Variants in LDLRAD3 observed in about 807,000 individuals in gnomAD.
LDLRAD3 encodes the protein low-density lipoprotein receptor class A domain-containing protein 3.
A neutral mutation model predicts 29.4 loss-of-function variants in LDLRAD3; 20 were observed. That is an observed-to-expected ratio of 0.68 (90% CI 0.48 to 0.99). The LOEUF is 0.99. Ranked by LOEUF, LDLRAD3 falls within the 50% of genes least tolerant of loss-of-function variation. The probability of loss-of-function intolerance (pLI) is 0.00; values close to 1 mark genes in which losing one functional copy is unlikely to be tolerated. For synonymous variants in LDLRAD3, 157 were observed against 192.7 expected (o/e 0.81, Z 1.53); for missense variants, 420 against 454.3 (o/e 0.92, Z 0.69).
intron 4 of LDLRAD3, among the ~76,000 whole-genome samples, chr11:36,187,113 T>G (rs1406570246): frequency 6.6e-6 from 1 of 152,204 alleles, no homozygotes; most frequent in African/African-American, 2.4e-5. Context: ...CCATCTTTCC[T>G]TGGCTTCCTA....
intron 4 of LDLRAD3, among the ~76,000 whole-genome samples, chr11:36,100,134 G>A (rs1399813842): frequency 3.9e-5 from 6 of 152,042 alleles, no homozygotes; most frequent in Non-Finnish European, 7.3e-5. Context: ...GCGGGAGTGG[G>A]CCCAGCCATC....
intron 2 of LDLRAD3, among the ~76,000 whole-genome samples, chr11:36,051,847 T>C (rs1169039581): frequency 6.6e-6 from 1 of 152,250 alleles, no homozygotes; most frequent in Non-Finnish European, 1.5e-5. Context: ...CTAAGCTCTT[T>C]GCCACCTTGG....
chr11:36,033,482 C>T (rs1170393630), intron 1 of LDLRAD3, among the ~76,000 whole-genome samples: 1 of 152,186 alleles, frequency 6.6e-6, no homozygotes, highest in Non-Finnish European at 1.5e-5. Flanking sequence ...TTTTCCCGCT[C>T]CAAAAATCTG....
In LDLRAD3 at chr11:36,229,639, A is replaced by T; in HGVS notation, c.*242A>T. On this transcript the variant is annotated 3_prime_UTR_variant, in exon 6 of 6. Coordinates refer to ENST00000315571, the MANE Select transcript of LDLRAD3 (RefSeq NM_174902.4). The stretch of plus-strand genomic sequence containing the variant: ...GGTCACTCTTCCCTTGGGACCCGAG[A>T]TCACACCCTCATTTTTCACATTATT... 4.2e-6 allele frequency: 2 copies of T among 480,216 alleles called. No homozygotes were observed. The highest frequency in any genetic ancestry group is 1.9e-5 in the African/African-American group (1 of 51,770). 29.7% of individuals were successfully genotyped at this position (480,216 alleles called of 1,614,324 possible). A position where few individuals can be genotyped will look rare whatever the true frequency, so the allele number is the denominator to read the frequency against.
intron 1 of LDLRAD3, among the ~76,000 whole-genome samples, chr11:35,992,795 C>A (rs1851706472): frequency 6.6e-6 from 1 of 152,102 alleles, no homozygotes; most frequent in Non-Finnish European, 1.5e-5. Flanking sequence ...TTGCACAACT[C>A]TGCATATACC....
In LDLRAD3 at chr11:35,954,268, C is replaced by T. The variant is rs140935833; in HGVS notation, c.46+10124C>T. On this transcript the variant is annotated intron_variant, in intron 1 of 5. Coordinates refer to ENST00000315571, the MANE Select transcript of LDLRAD3 (RefSeq NM_174902.4). ...AAAATATGAATGTATATATATTCAG[C>T]GGAAGGAACACTGCCCAGAATTGAA... Among the ~76,000 whole-genome samples, 643 of 152,184 alleles carry T rather than the reference C, an allele frequency of 4.2e-3. 3 individuals carry two copies. The highest frequency in any genetic ancestry group is 6.8e-3 in the Middle Eastern group (2 of 294).
At chr11:36,037,217 C>T (rs754990) in intron 2 of LDLRAD3, among the ~76,000 whole-genome samples, 3,265 of 152,282 alleles carry the variant, frequency 0.021, 81 homozygotes, top group East Asian at 0.097. Flanking sequence ...CACCAGGCCA[C>T]GTGGCCTGTC....
chr11:36,070,839 T>C (rs142480640), intron 2 of LDLRAD3, among the ~76,000 whole-genome samples: 1 of 152,236 alleles, frequency 6.6e-6, no homozygotes, highest in African/African-American at 2.4e-5. Flanking sequence ...TACTGGCAAG[T>C]AGGACAGTCC....
chr11:36,031,069 G>A (rs1852229496), intron 1 of LDLRAD3, among the ~76,000 whole-genome samples: 1 of 151,152 alleles, frequency 6.6e-6, no homozygotes, highest in Admixed American at 6.6e-5. Flanking sequence ...CAATAGAATG[G>A]GACTTGTAAT....
chr11:36,215,978 C>T (rs1350703145), intron 4 of LDLRAD3, among the ~76,000 whole-genome samples: 2 of 152,188 alleles, frequency 1.3e-5, no homozygotes, highest in Non-Finnish European at 2.9e-5. Flanking sequence ...AGCATCAGCT[C>T]CTGCATGCTC....
At chr11:36,070,265 A>C (rs773623590) in intron 2 of LDLRAD3, among the ~76,000 whole-genome samples, 14 of 152,234 alleles carry the variant, frequency 9.2e-5, no homozygotes, top group Middle Eastern at 3.2e-3. Context: ...GGTAAATGTA[A>C]ATCCTTACAA....
At chr11:36,223,227 C>G (rs955723765) in intron 4 of LDLRAD3, among the ~76,000 whole-genome samples, 2 of 152,148 alleles carry the variant, frequency 1.3e-5, no homozygotes, top group Non-Finnish European at 2.9e-5. Flanking sequence ...GTCTCGCCTG[C>G]CAAAGTGAAG....
chr11:36,006,959 T>G (rs1404904228), intron 1 of LDLRAD3, among the ~76,000 whole-genome samples: 2 of 152,150 alleles, frequency 1.3e-5, no homozygotes, highest in Admixed American at 1.3e-4. Context: ...CTGCTCAAGG[T>G]TCAGCCCTAC....
At chr11:35,968,498 C>T (rs777740298) in intron 1 of LDLRAD3, 1 of 358,344 alleles carries the variant, frequency 2.8e-6, no homozygotes, top group Admixed American at 3.0e-5. Context: ...TTCTTTTTCC[C>T]GAGGTGTGTT....
chr11:36,097,909 C>A (rs1364048968), intron 3 of LDLRAD3, among the ~76,000 whole-genome samples: 2 of 152,150 alleles, frequency 1.3e-5, no homozygotes, highest in African/African-American at 4.8e-5. Context: ...CTAGAAAGTT[C>A]TAAAAAGGAG....
chr11:36,188,371 C>CAAAAA (rs57049829), intron 4 of LDLRAD3, among the ~76,000 whole-genome samples: 13 of 62,042 alleles, frequency 2.1e-4, no homozygotes, highest in African/African-American at 6.3e-4. Context: ...GGAAAACCAG[C>CAAAAA]AAAAAAAAAA....
intron 4 of LDLRAD3, among the ~76,000 whole-genome samples, chr11:36,110,699 G>A (rs1853593722): frequency 6.6e-6 from 1 of 152,212 alleles, no homozygotes; most frequent in Admixed American, 6.5e-5. Flanking sequence ...GGTACTGGAA[G>A]AAATACAAAC....
At chr11:35,952,207 C>T (rs1851144236) in intron 1 of LDLRAD3, among the ~76,000 whole-genome samples, 1 of 152,200 alleles carries the variant, frequency 6.6e-6, no homozygotes, top group Non-Finnish European at 1.5e-5. Context: ...TCAGAATTGG[C>T]ACGTGGGTCT....
At chr11:36,127,793 C>G (rs1853859264) in intron 4 of LDLRAD3, among the ~76,000 whole-genome samples, 1 of 152,162 alleles carries the variant, frequency 6.6e-6, no homozygotes, top group South Asian at 2.1e-4. Context: ...CAAGATCACA[C>G]AGCTTGTAAG....
Sources: gnomAD v4.1 joint callset for allele counts (sites outside exome capture counted in the v4.1 genomes callset) on GRCh38, gnomAD v4.1.1 for gene constraint, MANE v1.5 for transcripts, NCBI Gene and HGNC (gene_info 2026-07-23, HGNC 2026-07-21) for gene names.